CFI: variants seen among roughly 807,000 people sequenced by gnomAD.
CFI encodes C3B/C4B inactivator.
Under a neutral mutation model 78.8 loss-of-function variants are expected in CFI, and 66 were observed. The observed-to-expected ratio is 0.84, with a 90% CI of 0.69 to 1.03. The LOEUF (loss-of-function observed/expected upper bound fraction) is 1.03, where lower values mean the gene tolerates loss of function less well. Among genes scored for constraint, CFI ranks in the 50% least tolerant of loss-of-function variants. The pLI, the probability that CFI is intolerant of heterozygous loss-of-function variation, is 0.00. For missense variants in CFI, 706 were observed against 704.5 expected (o/e 1.00, Z -0.02); for synonymous variants, 250 against 232.6 (o/e 1.07, Z -0.68).
chr4:109,791,944 T>C (rs1731435614), intron 1 of CFI, among the ~76,000 whole-genome samples: 1 of 152,218 alleles, frequency 6.6e-6, no homozygotes, highest in Admixed American at 6.5e-5. Flanking sequence ...TAAGAATATG[T>C]TGTTTAATTT....
At chr4:109,764,060 C>A (rs373154339) in intron 3 of CFI, among the ~76,000 whole-genome samples, 1 of 148,718 alleles carries the variant, frequency 6.7e-6, no homozygotes, top group South Asian at 2.1e-4. Flanking sequence ...TACTTATATA[C>A]TATAATTATA....
At chr4:109,763,094 A>T (rs992987460) in intron 3 of CFI, among the ~76,000 whole-genome samples, 14 of 152,194 alleles carry the variant, frequency 9.2e-5, no homozygotes, top group African/African-American at 3.4e-4. Context: ...GTGAGATACA[A>T]GAAAGAACAA....
chr4:109,757,814 A>G, intron 6 of CFI, 31 bp from the exon 7 acceptor site: 1 of 1,319,708 alleles, frequency 7.6e-7, no homozygotes, highest in Non-Finnish European at 1.0e-6. Context: ...AAATTTATCA[A>G]AGGATAATTT....
At chr4:109,797,581 AC>A (rs1732219406) in intron 1 of CFI, among the ~76,000 whole-genome samples, 1 of 152,166 alleles carries the variant, frequency 6.6e-6, no homozygotes, top group African/African-American at 2.4e-5. Flanking sequence ...AAGTGGGACT[AC>A]CTCAAGCTAA....
At chr4:109,780,761 T>C (rs1729906921) in intron 1 of CFI, among the ~76,000 whole-genome samples, 1 of 152,184 alleles carries the variant, frequency 6.6e-6, no homozygotes, top group African/African-American at 2.4e-5. Flanking sequence ...TGTCCATCAA[T>C]GATAGACTGG....
At chr4:109,758,069 T>C in intron 6 of CFI, 1 of 772,886 alleles carries the variant, frequency 1.3e-6, no homozygotes, top group Non-Finnish European at 1.9e-6. Context: ...GTTAGAAGCA[T>C]TACTAAAATG....
chr4:109,770,715 A>G (rs1488157873), intron 1 of CFI, among the ~76,000 whole-genome samples: 1 of 151,930 alleles, frequency 6.6e-6, no homozygotes, highest in Non-Finnish European at 1.5e-5. Context: ...TTTAAAGGGC[A>G]TAAACCATAA....
intron 7 of CFI, among the ~76,000 whole-genome samples, chr4:109,756,036 C>T (rs1009533355): frequency 1.3e-5 from 2 of 152,082 alleles, no homozygotes; most frequent in Non-Finnish European, 2.9e-5. Context: ...ATCTACAACA[C>T]AATACTATGT....
At chr4:109,797,711 A>C (rs921503274) in intron 1 of CFI, among the ~76,000 whole-genome samples, 1 of 152,234 alleles carries the variant, frequency 6.6e-6, no homozygotes, top group Non-Finnish European at 1.5e-5. Context: ...CCTACAAATC[A>C]AAAGCCAAGA....
chr4:109,735,736 G>A (rs150003976), downstream of CFI, among the ~76,000 whole-genome samples: 42 of 152,302 alleles, frequency 2.8e-4, no homozygotes, highest in African/African-American at 9.4e-4. Flanking sequence ...GAGAGACTTC[G>A]GGGTAAAGCA....
intron 1 of CFI, among the ~76,000 whole-genome samples, chr4:109,778,706 G>C (rs1439222931): frequency 6.6e-6 from 1 of 152,178 alleles, no homozygotes; most frequent in Non-Finnish European, 1.5e-5. Context: ...CAATATCCCT[G>C]AGGAATACTG....
intron 7 of CFI, among the ~76,000 whole-genome samples, chr4:109,752,825 G>T (rs1725301340): frequency 7.1e-6 from 1 of 141,412 alleles, no homozygotes; most frequent in Non-Finnish European, 1.5e-5. Context: ...GAAGAGGAAG[G>T]CTTCTATTTC....
chr4:109,789,160 A>G (rs72674894), intron 1 of CFI, among the ~76,000 whole-genome samples: 35,492 of 151,830 alleles, frequency 0.23, 4,862 homozygotes, highest in Admixed American at 0.36. Context: ...ATAAAATTTT[A>G]AAAAATAAAA....
intron 11 of CFI, among the ~76,000 whole-genome samples, chr4:109,745,465 C>A (rs1292787107): frequency 6.6e-6 from 1 of 152,246 alleles, no homozygotes; most frequent in South Asian, 2.1e-4. Flanking sequence ...CTATGCCCAG[C>A]CCAAGGTTAA....
chr4:109,740,806 CT>C lies in CFI; in HGVS notation c.*86del, dbSNP rs1479654780. On this transcript the variant is annotated 3_prime_UTR_variant, in exon 13 of 13. Coordinates refer to ENST00000394634, the MANE Select transcript of CFI (RefSeq NM_000204.5). ...GTGAGATTTGCTTCATTTTTCCCCC[CT>C]AGAGAATTATTAATTATACCGTTTT... The C allele has an allele frequency of 7.1e-6, 9 of 1,260,988 alleles. No individual in the cohort carries two copies. The highest frequency in any genetic ancestry group is 3.0e-5 in the African/African-American group (2 of 67,556). 78.1% of individuals were successfully genotyped at this position (1,260,988 alleles called of 1,614,324 possible). A position where few individuals can be genotyped will look rare whatever the true frequency, so the allele number is the denominator to read the frequency against.
intron 1 of CFI, among the ~76,000 whole-genome samples, chr4:109,792,690 T>C (rs995291313): frequency 1.3e-5 from 2 of 152,242 alleles, no homozygotes; most frequent in Non-Finnish European, 2.9e-5. Flanking sequence ...ATAATTGTTA[T>C]ATATTCCTGA....
At chr4:109,738,220 T>A (rs1341100485), downstream of CFI, among the ~76,000 whole-genome samples, 1 of 150,968 alleles carries the variant, frequency 6.6e-6, no homozygotes, top group East Asian at 2.0e-4. Flanking sequence ...GCTCAAATGA[T>A]CCTCCCACCT....
intron 8 of CFI, among the ~76,000 whole-genome samples, chr4:109,751,306 A>G (rs1280243950): frequency 6.6e-6 from 1 of 152,114 alleles, no homozygotes; most frequent in Non-Finnish European, 1.5e-5. Flanking sequence ...TTGAAGGAAG[A>G]GGGATCTCAT....
In CFI at chr4:109,761,629, T is replaced by C. The variant is rs992376160; in HGVS notation, c.546A>G (p.Leu182=). The change falls in exon 4 of 13, where the codon CTA becomes CTG. Residue 182 remains leucine (L), a synonymous_variant. Coordinates refer to ENST00000394634, the MANE Select transcript of CFI (RefSeq NM_000204.5). ...SDLSINSTEC[L]HVHCRGLETS... Reference sequence around the variant, plus strand: ...TCTCTAATCCTCGGCAATGCACATGTAGACATTCAGTGGAATTTATAGAGA... The same window carrying C: ...TCTCTAATCCTCGGCAATGCACATGCAGACATTCAGTGGAATTTATAGAGA... The C allele has an allele frequency of 3.0e-5, 49 of 1,613,686 alleles. No individual in the cohort carries two copies. Among genetic ancestry groups the C allele is most frequent in the Non-Finnish European group, 3.7e-5 (44 of 1,179,718 alleles).
Sources: gnomAD v4.1 joint callset for allele counts (sites outside exome capture counted in the v4.1 genomes callset) on GRCh38, gnomAD v4.1.1 for gene constraint, MANE v1.5 for transcripts, NCBI Gene and HGNC (gene_info 2026-07-23, HGNC 2026-07-21) for gene names.